The following LDLRAD4 variants were observed in gnomAD, a reference collection of about 807,000 sequenced individuals.
LDLRAD4 encodes low density lipoprotein receptor class A domain containing 4.
Under a neutral mutation model 17.0 loss-of-function variants are expected in LDLRAD4, and 5 were observed. The observed-to-expected ratio is 0.29, with a 90% CI of 0.15 to 0.62. The LOEUF is 0.62. Among genes scored for constraint, LDLRAD4 ranks in the 20% least tolerant of loss-of-function variants. The pLI, the probability that LDLRAD4 is intolerant of heterozygous loss-of-function variation, is 0.84. For synonymous variants in LDLRAD4, 168 were observed against 171.8 expected (o/e 0.98, Z 0.17); for missense variants, 340 against 424.7 (o/e 0.80, Z 1.75).
At chr18:13,548,720 C>A (rs1304344014) in intron 3 of LDLRAD4, among the ~76,000 whole-genome samples, 1 of 152,154 alleles carries the variant, frequency 6.6e-6, no homozygotes, top group Non-Finnish European at 1.5e-5. Context: ...TGCAGCTATG[C>A]CTGGGAGAGT....
intron 3 of LDLRAD4, among the ~76,000 whole-genome samples, chr18:13,463,513 C>T (rs1417595439): frequency 6.6e-6 from 1 of 152,244 alleles, no homozygotes; most frequent in African/African-American, 2.4e-5. Context: ...GTTGTTAACA[C>T]ATATTCTCAT....
At chr18:13,242,891 G>C (rs891196825) in intron 1 of LDLRAD4, among the ~76,000 whole-genome samples, 5 of 152,266 alleles carry the variant, frequency 3.3e-5, no homozygotes, top group African/African-American at 1.2e-4. Flanking sequence ...GGTTTCAGCT[G>C]TTACACAGTG....
At chr18:13,500,762 G>A (rs2093601167) in intron 3 of LDLRAD4, 2 of 152,192 alleles carry the variant, frequency 1.3e-5, no homozygotes, top group African/African-American at 4.8e-5. Context: ...CAACACGAAT[G>A]TGGATTGTTG....
intron 1 of LDLRAD4, among the ~76,000 whole-genome samples, chr18:13,346,788 T>G (rs915889552): frequency 5.9e-5 from 9 of 152,338 alleles, no homozygotes; most frequent in South Asian, 2.1e-4. Context: ...ATATTTAGGA[T>G]AGTTAGCTCT....
chr18:13,599,230 G>T (rs893092478), intron 3 of LDLRAD4, among the ~76,000 whole-genome samples: 3 of 151,840 alleles, frequency 2.0e-5, no homozygotes, highest in Non-Finnish European at 4.4e-5. Context: ...GATCTTCCCT[G>T]TGCTGAACTG....
chr18:13,488,830 A>C (rs2093295948), intron 3 of LDLRAD4: 1 of 152,266 alleles, frequency 6.6e-6, no homozygotes. Context: ...GTCCTCGCAC[A>C]AACTGGGGTG....
chr18:13,620,422 A>G (rs1274870718), intron 3 of LDLRAD4, among the ~76,000 whole-genome samples: 4 of 152,214 alleles, frequency 2.6e-5, no homozygotes, highest in Non-Finnish European at 5.9e-5. Flanking sequence ...CAGCAGAGCC[A>G]TGGGCTGGAA....
intron 3 of LDLRAD4, among the ~76,000 whole-genome samples, chr18:13,496,518 G>A (rs1372824999): frequency 6.6e-6 from 1 of 152,238 alleles, no homozygotes; most frequent in Non-Finnish European, 1.5e-5. Context: ...CATGTCCCCT[G>A]TGGAGAGGAA....
intron 1 of LDLRAD4, among the ~76,000 whole-genome samples, chr18:13,376,457 C>A (rs556896672): frequency 6.6e-6 from 1 of 152,216 alleles, no homozygotes; most frequent in Non-Finnish European, 1.5e-5. Context: ...CTCTTGCCAG[C>A]GGCATCCTGT....
chr18:13,347,049 C>T (rs944573453), intron 1 of LDLRAD4, among the ~76,000 whole-genome samples: 2 of 152,132 alleles, frequency 1.3e-5, no homozygotes, highest in Non-Finnish European at 2.9e-5. Context: ...TGTTTTTTAA[C>T]TGGAGCATTT....
chr18:13,575,358 G>A (rs1281910506), intron 3 of LDLRAD4, among the ~76,000 whole-genome samples: 3 of 152,164 alleles, frequency 2.0e-5, no homozygotes, highest in Admixed American at 6.5e-5. Flanking sequence ...ACTTCACTTA[G>A]AATAATAGTC....
chr18:13,446,471 C>T (rs1209888453), intron 3 of LDLRAD4, among the ~76,000 whole-genome samples: 1 of 152,186 alleles, frequency 6.6e-6, no homozygotes, highest in African/African-American at 2.4e-5. Flanking sequence ...TTTTTGGTTT[C>T]ATGCTGGATT....
chr18:13,437,633 A>G (rs1406636102), intron 2 of LDLRAD4, among the ~76,000 whole-genome samples: 2 of 152,224 alleles, frequency 1.3e-5, no homozygotes, highest in Non-Finnish European at 2.9e-5. Flanking sequence ...GAAAGCACAC[A>G]TGATTTTCCC....
chr18:13,278,380 G>A (rs1567960746), intron 1 of LDLRAD4, 192 bp downstream of exon 2: 1 of 152,280 alleles, frequency 6.6e-6, no homozygotes. Context: ...CACAGTAGAA[G>A]CTTGGGTGAC....
In LDLRAD4 at chr18:13,626,799, C is replaced by G. The variant is rs989631997; in HGVS notation, c.336+5528C>G. Among the ~76,000 whole-genome samples, 3 of 152,346 alleles carry G rather than the reference C, an allele frequency of 2.0e-5. No individual in the cohort carries two copies. In the East Asian group the frequency reaches 5.8e-4, roughly 29 times the overall value. On this transcript the variant is annotated intron_variant, in intron 4 of 5. Coordinates refer to ENST00000359446, the Ensembl canonical transcript of LDLRAD4. Reference sequence around the variant, plus strand: ...TGGCTGTTGCGGAGGAGGACAAGCACTTGGTGGCTGTCAGCCCTCTTGATG... The same window carrying G: ...TGGCTGTTGCGGAGGAGGACAAGCAGTTGGTGGCTGTCAGCCCTCTTGATG...
intron 1 of LDLRAD4, among the ~76,000 whole-genome samples, chr18:13,267,978 C>G (rs1291465021): frequency 1.3e-5 from 2 of 152,196 alleles, no homozygotes; most frequent in Non-Finnish European, 2.9e-5. Context: ...ATCCTCCCAC[C>G]TCCCCTCTGT....
At position 13,316,804 on chromosome 18, in the gene LDLRAD4, A is replaced by G. The variant is rs1257732444; in HGVS notation, c.-383+38616A>G. ...TGCATGATGCATGTGGTGACAGAGG[A>G]GGGAAAACTGAACCGATAAGAAGTA... On this transcript the variant is annotated intron_variant, in intron 1 of 5. Transcript: ENST00000359446. Among the ~76,000 whole-genome samples the G allele has an allele frequency of 2.0e-5, 3 of 152,328 alleles. No individual in the cohort carries two copies. The East Asian group carries it at 5.8e-4, about 29-fold the overall frequency.
At chr18:13,609,523 G>T (rs1011751982) in intron 3 of LDLRAD4, among the ~76,000 whole-genome samples, 2 of 69,032 alleles carry the variant, frequency 2.9e-5, no homozygotes, top group African/African-American at 9.5e-5. Context: ...TTATGCGTGT[G>T]TGTGTGCGTG....
chr18:13,359,776 A>G (rs2083553855), intron 1 of LDLRAD4, among the ~76,000 whole-genome samples: 1 of 152,186 alleles, frequency 6.6e-6, no homozygotes, highest in Non-Finnish European at 1.5e-5. Flanking sequence ...TGCCCCTAAG[A>G]ATCCAGCTTT....
Sources: gnomAD v4.1 joint callset for allele counts (sites outside exome capture counted in the v4.1 genomes callset) on GRCh38, gnomAD v4.1.1 for gene constraint, MANE v1.5 for transcripts, NCBI Gene and HGNC (gene_info 2026-07-23, HGNC 2026-07-21) for gene names.